The following ANO6 variants were observed in gnomAD, a reference collection of about 807,000 sequenced individuals.
ANO6 encodes anoctamin 6.
A neutral mutation model predicts 117.5 loss-of-function variants in ANO6; 106 were observed. The ratio of observed to expected loss-of-function variants is 0.90; its 90% CI spans 0.77 to 1.06. ANO6 has a LOEUF of 1.06. Ranked by LOEUF, ANO6 falls within the 50% of genes least tolerant of loss-of-function variation. ANO6 has a pLI of 0.00. For synonymous variants in ANO6, 367 were observed against 385.1 expected (o/e 0.95, Z 0.55); for missense variants, 955 against 1,121.1 (o/e 0.85, Z 2.12).
intron 12 of ANO6, among the ~76,000 whole-genome samples, chr12:45,391,061 C>T: frequency 6.6e-6 from 1 of 151,858 alleles, no homozygotes. Context: ...ACGGAGGTTG[C>T]AGTGAGTGAA....
At chr12:45,320,381 G>C (rs1384329158) in intron 2 of ANO6, among the ~76,000 whole-genome samples, 1 of 152,122 alleles carries the variant, frequency 6.6e-6, no homozygotes, top group African/African-American at 2.4e-5. Flanking sequence ...TATGTACCCA[G>C]TAGTCATTCA....
chr12:45,398,089 C>G (rs926544866), intron 12 of ANO6, among the ~76,000 whole-genome samples: 6 of 152,118 alleles, frequency 3.9e-5, no homozygotes, highest in Non-Finnish European at 5.9e-5. Flanking sequence ...TTAAATATTT[C>G]TATACATCAA....
intron 1 of ANO6, among the ~76,000 whole-genome samples, chr12:45,265,667 C>T (rs1044291805): frequency 2.0e-5 from 3 of 152,178 alleles, no homozygotes; most frequent in African/African-American, 4.8e-5. Context: ...CTACCACCTC[C>T]AGTCCATTCT....
At chr12:45,301,864 A>G in intron 1 of ANO6, 150 bp from the exon 2 acceptor site, 1 of 682,944 alleles carries the variant, frequency 1.5e-6, no homozygotes, top group Non-Finnish European at 2.6e-6. Context: ...ATATTTTTTA[A>G]TATATCTGAT....
In ANO6 at chr12:45,216,363, G is replaced by T; in HGVS notation, c.42G>T (p.Glu14Asp). 1 of 1,613,060 alleles carries T rather than the reference G, an allele frequency of 6.2e-7. No individual in the cohort carries two copies. The highest frequency in any genetic ancestry group is 8.5e-7 in the Non-Finnish European group (1 of 1,179,478). ...MSRNVLLQME[E>D]EEDDDDGDIV... ...GGAATGTTTTGCTACAAATGGAGGA[G>T]GAGGAGGACGACGACGATGGGGATA... Residue 14 changes from glutamate to aspartate, a missense_variant, in exon 1 of 20, where the codon GAG (glutamate) becomes GAT (aspartate). By Grantham distance (45) the Glu-to-Asp change is conservative. Coordinates refer to ENST00000320560, the MANE Select transcript of ANO6 (RefSeq NM_001025356.3).
intron 2 of ANO6, among the ~76,000 whole-genome samples, chr12:45,314,304 G>T (rs1334982110): frequency 6.6e-6 from 1 of 151,782 alleles, no homozygotes; most frequent in Non-Finnish European, 1.5e-5. Context: ...GTACACCCAG[G>T]TTTAAGAATC....
chr12:45,367,848 C>G, intron 9 of ANO6, 55 bp downstream of exon 9: 6 of 1,271,714 alleles, frequency 4.7e-6, no homozygotes, highest in Non-Finnish European at 6.9e-6. Flanking sequence ...TTTTCTAATG[C>G]TAATTTAGAT....
chr12:45,255,828 T>G (rs939942898), intron 1 of ANO6, among the ~76,000 whole-genome samples: 2 of 147,300 alleles, frequency 1.4e-5, no homozygotes, highest in African/African-American at 2.6e-5. Context: ...GTTTTTTTTT[T>G]TTTTTTTTTT....
At chr12:45,433,612 A>C (rs113215568), downstream of ANO6, among the ~76,000 whole-genome samples, 2,039 of 152,292 alleles carry the variant, frequency 0.013, 39 homozygotes, top group African/African-American at 0.045. Flanking sequence ...TGTAGGCAAG[A>C]ATGTGATCTT....
intron 1 of ANO6, among the ~76,000 whole-genome samples, chr12:45,265,864 T>C (rs1442415860): frequency 1.3e-5 from 2 of 152,218 alleles, no homozygotes; most frequent in African/African-American, 4.8e-5. Flanking sequence ...ATGAGCATGC[T>C]GTGTGTTCAC....
intron 1 of ANO6, among the ~76,000 whole-genome samples, chr12:45,247,911 G>A (rs892111892): frequency 2.6e-5 from 4 of 152,176 alleles, no homozygotes; most frequent in African/African-American, 9.7e-5. Context: ...TCAGTTCATA[G>A]CATCTAGTTA....
intron 15 of ANO6, among the ~76,000 whole-genome samples, chr12:45,407,417 G>A (rs1308563971): frequency 7.0e-6 from 1 of 142,540 alleles, no homozygotes; most frequent in Non-Finnish European, 1.5e-5. Context: ...ACCACACCCA[G>A]TGACCTTAGA....
intron 12 of ANO6, among the ~76,000 whole-genome samples, chr12:45,398,341 T>A (rs1263597138): frequency 2.6e-5 from 4 of 152,224 alleles, no homozygotes; most frequent in Admixed American, 6.5e-5. Context: ...AAGTGAGATA[T>A]GATTTTTCAC....
chr12:45,414,743 C>A (rs1176115286), intron 16 of ANO6, among the ~76,000 whole-genome samples: 4 of 152,116 alleles, frequency 2.6e-5, no homozygotes, highest in Non-Finnish European at 5.9e-5. Context: ...TCTTGAAGAA[C>A]TTTAGTATCA....
intron 17 of ANO6, among the ~76,000 whole-genome samples, chr12:45,417,467 T>C (rs1224315205): frequency 6.6e-6 from 1 of 152,196 alleles, no homozygotes; most frequent in Non-Finnish European, 1.5e-5. Flanking sequence ...CTTAGGTCTT[T>C]GCTCACCATG....
At chr12:45,296,035 A>G (rs1939282872) in intron 1 of ANO6, among the ~76,000 whole-genome samples, 1 of 151,328 alleles carries the variant, frequency 6.6e-6, no homozygotes, top group South Asian at 2.1e-4. Context: ...TAATTTTTGT[A>G]TTTTTAGTAG....
intron 1 of ANO6, among the ~76,000 whole-genome samples, chr12:45,263,358 TG>T (rs1938108699): frequency 1.5e-5 from 2 of 137,592 alleles, no homozygotes; most frequent in Admixed American, 1.6e-4. Context: ...CCATCATGCC[TG>T]GCCTGGCCTT....
At chr12:45,276,909 A>C (rs1160783760) in intron 1 of ANO6, among the ~76,000 whole-genome samples, 1 of 152,194 alleles carries the variant, frequency 6.6e-6, no homozygotes, top group Non-Finnish European at 1.5e-5. Flanking sequence ...TAACTCAAAA[A>C]TTAAATAATG....
chr12:45,433,907 G>A (rs1313068312), downstream of ANO6, among the ~76,000 whole-genome samples: 1 of 152,172 alleles, frequency 6.6e-6, no homozygotes, highest in Non-Finnish European at 1.5e-5. Flanking sequence ...CTTTGGTTAT[G>A]AAACAGATTT....
Sources: allele counts gnomAD v4.1 joint callset (sites outside exome capture counted in the v4.1 genomes callset), GRCh38; gene constraint gnomAD v4.1.1; transcripts MANE v1.5; gene names NCBI Gene and HGNC (gene_info 2026-07-23, HGNC 2026-07-21).